PRUNE2: variants seen among roughly 807,000 people sequenced by gnomAD.
PRUNE2 encodes prune homolog 2 with BCH domain.
Under a neutral mutation model 252.0 loss-of-function variants are expected in PRUNE2, and 164 were observed. The ratio of observed to expected loss-of-function variants is 0.65; its 90% CI spans 0.57 to 0.74. The LOEUF is 0.74. PRUNE2 is among the 30% of genes least tolerant of loss of function. PRUNE2 has a pLI of 0.00. For synonymous variants in PRUNE2, 1,292 were observed against 1,350.2 expected, an observed-to-expected ratio of 0.96 and a Z score of 0.94; for missense variants, 3,495 against 3,711.0, an observed-to-expected ratio of 0.94 and a Z score of 1.51.
At chr9:76,805,619 A>T (rs1031000628) in intron 6 of PRUNE2, among the ~76,000 whole-genome samples, 1 of 152,150 alleles carries the variant, frequency 6.6e-6, no homozygotes, top group African/African-American at 2.4e-5. Context: ...AATAAAACAT[A>T]AAAATTCTGG....
chr9:76,726,947 C>T (rs952563901), intron 6 of PRUNE2, among the ~76,000 whole-genome samples: 2 of 152,164 alleles, frequency 1.3e-5, no homozygotes, highest in African/African-American at 2.4e-5. Context: ...TTATTTTATA[C>T]AAGAGTGATT....
intron 6 of PRUNE2, among the ~76,000 whole-genome samples, chr9:76,762,527 A>G (rs1420428118): frequency 6.6e-6 from 1 of 152,264 alleles, no homozygotes; most frequent in East Asian, 1.9e-4. Context: ...TCATTTCTTA[A>G]CAAACTCTGA....
chr9:76,759,404 C>G (rs545267585), intron 6 of PRUNE2: 1 of 152,420 alleles, frequency 6.6e-6, no homozygotes, highest in Admixed American at 6.5e-5. Context: ...TTTGGCCCAC[C>G]ACGCCCTGCT....
At chr9:76,880,366 C>T (rs916858353) in intron 1 of PRUNE2, among the ~76,000 whole-genome samples, 5 of 152,328 alleles carry the variant, frequency 3.3e-5, no homozygotes, top group African/African-American at 4.8e-5. Flanking sequence ...GAAGTCAAAT[C>T]TATTTTCATG....
intron 6 of PRUNE2, among the ~76,000 whole-genome samples, chr9:76,734,126 A>C (rs17081142): frequency 0.052 from 7,947 of 152,178 alleles, 656 homozygotes; most frequent in African/African-American, 0.18. Context: ...GCAGCATTCA[A>C]ACACTCAGAA....
chr9:76,627,848 G>T, intron 16 of PRUNE2: 1 of 432,726 alleles, frequency 2.3e-6, no homozygotes, highest in Non-Finnish European at 4.6e-6. Flanking sequence ...GTAAAACAGG[G>T]GTTTACTATA....
At chr9:76,862,870 ATTC>A (rs2060631180) in intron 1 of PRUNE2, 1 of 152,164 alleles carries the variant, frequency 6.6e-6, no homozygotes, top group African/African-American at 2.4e-5. Context: ...CCCTCTAAGC[ATTC>A]TTTTCAACTT....
At chr9:76,678,349 CAAAAAAAAAAAAAAAA>C (rs58096428) in intron 9 of PRUNE2, among the ~76,000 whole-genome samples, 15 of 83,108 alleles carry the variant, frequency 1.8e-4, no homozygotes, top group Non-Finnish European at 2.3e-4. Flanking sequence ...GAGACTCCAT[CAAAAAAAAAAAAAAAA>C]AAAAAAAAAA....
intron 6 of PRUNE2, among the ~76,000 whole-genome samples, chr9:76,727,994 G>A (rs1249282254): frequency 8.5e-5 from 13 of 152,060 alleles, no homozygotes; most frequent in East Asian, 3.8e-4. Context: ...GGGATTACAG[G>A]TGTGAGCCCC....
intron 9 of PRUNE2, among the ~76,000 whole-genome samples, chr9:76,673,674 A>C (rs1215414584): frequency 9.3e-5 from 14 of 149,942 alleles, no homozygotes; most frequent in South Asian, 4.3e-4. Context: ...TGGCAAAACG[A>C]ATCCAGCAGC....
Position 76,613,244 on chromosome 9 carries a change from G to C in PRUNE2, c.*1326C>G, listed in dbSNP as rs1256063155. On this transcript the variant is annotated 3_prime_UTR_variant, in exon 19 of 19. Transcript: ENST00000376718. The stretch of plus-strand genomic sequence containing the variant: ...AGAAACTATCTAAATACAAATTGGG[G>C]TGGAGTAGGAAAGGATGCGTTTGCT... 6.6e-6 allele frequency: 1 copy of C among 152,212 alleles called. No individual in the cohort carries two copies. Among genetic ancestry groups the C allele is most frequent in the Non-Finnish European group, 1.5e-5 (1 of 68,042 alleles). 9.4% of individuals were successfully genotyped at this position (152,212 alleles called of 1,614,324 possible).
intron 7 of PRUNE2, 22 bp downstream of exon 7, chr9:76,713,541 C>A (rs779007815): frequency 1.3e-6 from 2 of 1,592,914 alleles, no homozygotes; most frequent in Non-Finnish European, 8.6e-7. Context: ...GGGAACATGA[C>A]GGGGTCAGAG....
intron 18 of PRUNE2, chr9:76,615,256 A>G: frequency 1.0e-6 from 1 of 985,230 alleles, no homozygotes; most frequent in Non-Finnish European, 1.2e-6. Flanking sequence ...TCCACCCAAG[A>G]GGAAGAAAAC....
intron 6 of PRUNE2, chr9:76,759,027 T>C (rs2051433374): frequency 6.6e-6 from 1 of 152,150 alleles, no homozygotes; most frequent in Non-Finnish European, 1.5e-5. Flanking sequence ...AAGCAGGTGT[T>C]TGCTGGAGAA....
intron 6 of PRUNE2, among the ~76,000 whole-genome samples, chr9:76,714,740 G>C (rs1443508166): frequency 6.6e-6 from 1 of 152,218 alleles, no homozygotes; most frequent in Non-Finnish European, 1.5e-5. Context: ...CTTTCTCTGT[G>C]TGGGTGTCTC....
intron 12 of PRUNE2, 144 bp from the exon 13 acceptor site, chr9:76,638,432 A>G: frequency 1.6e-6 from 1 of 616,788 alleles, no homozygotes; most frequent in South Asian, 1.9e-5. Context: ...TGTTGACTAT[A>G]GGTCTGTAGG....
At chr9:76,699,751 T>C (rs1489262483) in intron 9 of PRUNE2, among the ~76,000 whole-genome samples, 1 of 152,266 alleles carries the variant, frequency 6.6e-6, no homozygotes, top group Non-Finnish European at 1.5e-5. Context: ...ATATCTCCTA[T>C]TTGTTCTGTT....
intron 1 of PRUNE2, among the ~76,000 whole-genome samples, chr9:76,855,872 G>A (rs1017789214): frequency 2.0e-5 from 3 of 151,986 alleles, no homozygotes; most frequent in Non-Finnish European, 4.4e-5. Context: ...GGCTCACTTG[G>A]CTAAATGTGC....
chr9:76,877,283 T>C (rs7041805), intron 1 of PRUNE2, among the ~76,000 whole-genome samples: 10,288 of 151,678 alleles, frequency 0.068, 1,079 homozygotes, highest in African/African-American at 0.23. Flanking sequence ...GACAGACAGA[T>C]TGTCTAAGCT....
Sources: allele counts gnomAD v4.1 joint callset (sites outside exome capture counted in the v4.1 genomes callset), GRCh38; gene constraint gnomAD v4.1.1; transcripts MANE v1.5; gene names NCBI Gene and HGNC (gene_info 2026-07-23, HGNC 2026-07-21).